Variants in GALNT17 observed in about 807,000 individuals in gnomAD.
The protein encoded by GALNT17 is UDP-GalNAc:polypeptide N-acetylgalactosaminyltransferase-like 3.
GALNT17 carries 29 observed loss-of-function variants against 63.7 expected under a neutral mutation model. That is an observed-to-expected ratio of 0.46 (90% confidence interval 0.34 to 0.62). The LOEUF is 0.62. GALNT17 is among the 20% of genes least tolerant of loss of function. The pLI, the probability that GALNT17 is intolerant of heterozygous loss-of-function variation, is 0.01. For synonymous variants in GALNT17, 305 were observed against 318.3 expected, an observed-to-expected ratio of 0.96 and a Z score of 0.45; for missense variants, 603 against 799.6, an observed-to-expected ratio of 0.75 and a Z score of 2.97.
chr7:71,575,519 G>T (rs1179927213), intron 6 of GALNT17, among the ~76,000 whole-genome samples: 6 of 151,938 alleles, frequency 3.9e-5, no homozygotes, highest in Non-Finnish European at 7.4e-5. Flanking sequence ...CTCCCGAGTA[G>T]CTGGGACTAC....
intron 9 of GALNT17, among the ~76,000 whole-genome samples, chr7:71,684,022 A>AC (rs1397631708): frequency 2.0e-5 from 3 of 151,632 alleles, no homozygotes; most frequent in Non-Finnish European, 4.4e-5. Context: ...AAAAAAAAAA[A>AC]AAAACAAAAG....
intron 1 of GALNT17, among the ~76,000 whole-genome samples, chr7:71,245,848 G>T (rs1469945464): frequency 4.9e-5 from 6 of 122,890 alleles, no homozygotes; most frequent in Non-Finnish European, 1.1e-4. Flanking sequence ...AAGAGAGCAG[G>T]TTTTTTTTTT....
chr7:71,635,132 G>A (rs532251461), intron 6 of GALNT17, among the ~76,000 whole-genome samples: 11 of 151,452 alleles, frequency 7.3e-5, no homozygotes, highest in Non-Finnish European at 1.6e-4. Flanking sequence ...GCTTGAACCC[G>A]GGAGGCAGAG....
chr7:71,278,790 A>G (rs954148075), intron 1 of GALNT17, among the ~76,000 whole-genome samples: 2 of 152,070 alleles, frequency 1.3e-5, no homozygotes, highest in African/African-American at 2.4e-5. Context: ...TCATGATTCA[A>G]TTACCTCACA....
chr7:71,156,136 C>T (rs1350801751), intron 1 of GALNT17, among the ~76,000 whole-genome samples: 1 of 151,136 alleles, frequency 6.6e-6, no homozygotes, highest in African/African-American at 2.4e-5. Flanking sequence ...GCAGAGGTTG[C>T]GGTGAGCTGA....
At chr7:71,691,558 A>C (rs1267357497) in intron 9 of GALNT17, among the ~76,000 whole-genome samples, 3 of 152,260 alleles carry the variant, frequency 2.0e-5, no homozygotes, top group African/African-American at 7.2e-5. Context: ...CTTTCCTGCC[A>C]GAATGGATTG....
At chr7:71,544,850 G>GTTTTTT (rs5884844) in intron 5 of GALNT17, among the ~76,000 whole-genome samples, 1 of 147,060 alleles carries the variant, frequency 6.8e-6, no homozygotes, top group Non-Finnish European at 1.5e-5. Flanking sequence ...CTGAGCTTTA[G>GTTTTTT]TTTTTTTTTT....
At chr7:71,451,503 C>T (rs1401113386) in intron 5 of GALNT17, among the ~76,000 whole-genome samples, 1 of 151,962 alleles carries the variant, frequency 6.6e-6, no homozygotes, top group Non-Finnish European at 1.5e-5. Flanking sequence ...TTTTAAAATC[C>T]TTTCGACGAA....
chr7:71,234,979 G>A (rs1030770735), intron 1 of GALNT17, among the ~76,000 whole-genome samples: 5 of 152,086 alleles, frequency 3.3e-5, no homozygotes, highest in South Asian at 2.1e-4. Flanking sequence ...AGCGGGGCGC[G>A]GTGGCTCATG....
intron 1 of GALNT17, among the ~76,000 whole-genome samples, chr7:71,243,306 T>C (rs943947516): frequency 6.6e-6 from 1 of 152,206 alleles, no homozygotes; most frequent in African/African-American, 2.4e-5. Context: ...CTCTATAAAT[T>C]ACCTCTTTTC....
At chr7:71,181,633 C>T (rs972319819) in intron 1 of GALNT17, among the ~76,000 whole-genome samples, 2 of 151,750 alleles carry the variant, frequency 1.3e-5, no homozygotes, top group African/African-American at 4.8e-5. Flanking sequence ...TTTGGGAGGC[C>T]AAGGAAGGAG....
intron 5 of GALNT17, among the ~76,000 whole-genome samples, chr7:71,437,172 T>A (rs1265415279): frequency 6.6e-6 from 1 of 152,174 alleles, no homozygotes; most frequent in Non-Finnish European, 1.5e-5. Flanking sequence ...TAGGACCACA[T>A]GAGTAAACAA....
rs1009566895 is a variant in GALNT17 at position 71,616,486 on chromosome 7, A to G, written c.1080+45084A>G. On this transcript the variant is annotated intron_variant, in intron 6 of 10. Coordinates refer to ENST00000333538, the MANE Select transcript of GALNT17 (RefSeq NM_022479.3). Reference sequence around the variant, plus strand: ...TATCATTAATTATATACTAATATATAACTAATAACTAATATATAAATATTT... The same window carrying G: ...TATCATTAATTATATACTAATATATGACTAATAACTAATATATAAATATTT... 6.1e-5 allele frequency among the ~76,000 whole-genome samples: 9 copies of G among 147,492 alleles called. No individual in the cohort carries two copies. The Middle Eastern group carries it at 0.011, about 176-fold the overall frequency.
intron 3 of GALNT17, among the ~76,000 whole-genome samples, chr7:71,393,784 G>T (rs1793091334): frequency 1.3e-5 from 2 of 152,146 alleles, no homozygotes; most frequent in Non-Finnish European, 2.9e-5. Flanking sequence ...ATTGGCCTGT[G>T]TTAAGCCCAG....
intron 1 of GALNT17, among the ~76,000 whole-genome samples, chr7:71,247,526 G>A (rs760790195): frequency 1.4e-4 from 22 of 152,062 alleles, no homozygotes; most frequent in Admixed American, 3.3e-4. Flanking sequence ...GCGCAATCTC[G>A]GCTCACTGCA....
intron 5 of GALNT17, among the ~76,000 whole-genome samples, chr7:71,568,882 A>G (rs1789392173): frequency 6.6e-6 from 1 of 152,182 alleles, no homozygotes; most frequent in Non-Finnish European, 1.5e-5. Context: ...CAACATTGCA[A>G]TGAACGTGGT....
intron 5 of GALNT17, among the ~76,000 whole-genome samples, chr7:71,526,110 T>A (rs1035088472): frequency 3.3e-5 from 5 of 152,154 alleles, no homozygotes; most frequent in African/African-American, 1.2e-4. Context: ...TAGACTTAAC[T>A]GTTAGAGATT....
rs1160138901 is a variant in GALNT17, at chr7:71,228,095, G to A, written c.238+95055G>A. 5.3e-5 allele frequency among the ~76,000 whole-genome samples: 8 copies of A among 152,138 alleles called. No homozygotes were observed. The East Asian group carries it at 1.4e-3, about 26-fold the overall frequency. ...GATACAGCAAGGCAGATAATGAGGA[G>A]GGACTTGCTTGGTGTGTGTGTGTGT... On this transcript the variant is annotated intron_variant, in intron 1 of 10. Transcript: ENST00000333538.
chr7:71,141,071 A>G (rs1180579922), intron 1 of GALNT17, among the ~76,000 whole-genome samples: 1 of 151,280 alleles, frequency 6.6e-6, no homozygotes, highest in Non-Finnish European at 1.5e-5. Context: ...ACTCAGGGCC[A>G]GGCATGGTGA....
Sources: gnomAD v4.1 joint callset for allele counts (sites outside exome capture counted in the v4.1 genomes callset) on GRCh38, gnomAD v4.1.1 for gene constraint, MANE v1.5 for transcripts, NCBI Gene and HGNC (gene_info 2026-07-23, HGNC 2026-07-21) for gene names.